AKR1C4: variants seen among roughly 807,000 people sequenced by gnomAD.
AKR1C4 encodes the protein 3-alpha-HSD1.
A neutral mutation model predicts 41.0 loss-of-function variants in AKR1C4; 44 were observed. The ratio of observed to expected loss-of-function variants is 1.07; its 90% CI spans 0.84 to 1.38. The LOEUF (loss-of-function observed/expected upper bound fraction) is 1.38. Among genes scored for constraint, AKR1C4 ranks in the 40% most tolerant of loss-of-function variants. AKR1C4 has a pLI of 0.00. For missense variants in AKR1C4, 438 were observed against 387.9 expected, an observed-to-expected ratio of 1.13 and a Z score of -1.09; for synonymous variants, 165 against 137.7, an observed-to-expected ratio of 1.20 and a Z score of -1.39.
At chr10:5,211,302 G>A (rs782018398) in intron 5 of AKR1C4, among the ~76,000 whole-genome samples, 1 of 152,182 alleles carries the variant, frequency 6.6e-6, no homozygotes, top group Non-Finnish European at 1.5e-5. Flanking sequence ...AATTTTTACT[G>A]CATCATCAGA....
At position 5,218,931 on chromosome 10, in the gene AKR1C4, A is replaced by C. The variant is rs1442118458; in HGVS notation, c.*171A>C. The C allele has an allele frequency of 9.6e-6, 5 of 519,138 alleles. No individual in the cohort carries two copies. The Admixed American group carries it at 1.4e-4, about 15-fold the overall frequency. 32.2% of individuals were successfully genotyped at this position (519,138 alleles called of 1,614,324 possible). A position where few individuals can be genotyped will look rare whatever the true frequency, so the allele number is the denominator to read the frequency against. On this transcript the variant is annotated 3_prime_UTR_variant, in exon 9 of 9. Coordinates refer to ENST00000263126, the MANE Select transcript of AKR1C4 (RefSeq NM_001818.5). ...CATGGTCCAGAAAGCAAACATAATA[A>C]ATTTTTATCTTGAAGTAATTGAATG...
Position 5,214,711 on chromosome 10 carries a change from A to C in AKR1C4, c.846+1552A>C, listed in dbSNP as rs563348314. Among the ~76,000 whole-genome samples, 129 of 152,312 alleles carry C rather than the reference A, an allele frequency of 8.5e-4. 1 individual carries two copies. The South Asian group carries it at 0.026, about 31-fold the overall frequency. On this transcript the variant is annotated intron_variant, in intron 7 of 8. Coordinates refer to ENST00000263126, the MANE Select transcript of AKR1C4 (RefSeq NM_001818.5). ...TTTTGAGAATTTTCTAATCTATGCA[A>C]ATATTCTAAGAATACAATGAATGCT... is the stretch of plus-strand genomic sequence containing the variant.
At position 5,214,637 on chromosome 10, in the gene AKR1C4, A is replaced by G. The variant is rs547160718; in HGVS notation, c.846+1478A>G. 3.3e-5 allele frequency among the ~76,000 whole-genome samples: 5 copies of G among 152,282 alleles called. No homozygotes were observed. The East Asian group carries it at 7.7e-4, about 23-fold the overall frequency. On this transcript the variant is annotated intron_variant, in intron 7 of 8. Transcript: ENST00000263126. ...TTAAGGCATTCGTGTATGTTTTCCT[A>G]GATTTATTCATAGAAAACTTATACT... is the stretch of plus-strand genomic sequence containing the variant.
At chr10:5,215,299 G>A (rs1264540014) in intron 7 of AKR1C4, among the ~76,000 whole-genome samples, 1 of 152,112 alleles carries the variant, frequency 6.6e-6, no homozygotes, top group Non-Finnish European at 1.5e-5. Context: ...GGGTCTGGTG[G>A]GAGGTGTTTG....
chr10:5,202,771 G>A (rs1832419913), intron 2 of AKR1C4, among the ~76,000 whole-genome samples: 1 of 151,872 alleles, frequency 6.6e-6, no homozygotes, highest in Non-Finnish European at 1.5e-5. Context: ...TCTTTGTGTG[G>A]TATATCATAT....
chr10:5,215,323 A>G (rs1398211591), intron 7 of AKR1C4, among the ~76,000 whole-genome samples: 1 of 152,028 alleles, frequency 6.6e-6, no homozygotes, highest in African/African-American at 2.4e-5. Flanking sequence ...CATGGGGGCA[A>G]ATATAGAAAT....
At chr10:5,215,149 G>C (rs1034573789) in intron 7 of AKR1C4, among the ~76,000 whole-genome samples, 10 of 152,128 alleles carry the variant, frequency 6.6e-5, no homozygotes, top group African/African-American at 2.4e-4. Context: ...GTACATGACT[G>C]GTTCATGTAC....
At chr10:5,214,676 G>A (rs1317931789) in intron 7 of AKR1C4, among the ~76,000 whole-genome samples, 5 of 149,160 alleles carry the variant, frequency 3.4e-5, no homozygotes, top group Admixed American at 2.7e-4. Context: ...AATAGTCTTT[G>A]GATAACTTTT....
chr10:5,210,675 T>G (rs2104997), intron 5 of AKR1C4, among the ~76,000 whole-genome samples: 146,976 of 151,388 alleles, frequency 0.97, 71,511 homozygotes, highest in East Asian at 1. Context: ...GCAATGGCGC[T>G]ATCTCAGCTC....
At chr10:5,201,625 T>C (rs1489163511) in intron 2 of AKR1C4, among the ~76,000 whole-genome samples, 3 of 152,236 alleles carry the variant, frequency 2.0e-5, no homozygotes, top group Admixed American at 6.5e-5. Context: ...CATTTATTTT[T>C]GCTTTTTGTG....
rs374502554 is a variant in AKR1C4, at chr10:5,206,317, G to A, written c.490G>A (p.Gly164Arg). ...CKDAGLAKSI[G>R]VSNFNCRQLE... ...GGATGCAGGATTGGCCAAGTCCATCGGGGTGTCAAACTTCAACTGCAGGCA... is the reference window on the plus strand; with the variant it reads ...GGATGCAGGATTGGCCAAGTCCATCAGGGTGTCAAACTTCAACTGCAGGCA... The change falls in exon 5 of 9, where the codon GGG becomes AGG. Residue 164 changes from glycine (G) to arginine (R), a missense_variant. By Grantham distance (125) the Gly-to-Arg change is moderately radical. Transcript: ENST00000263126. The A allele has an allele frequency of 9.7e-5, 156 of 1,613,904 alleles. No individual in the cohort carries two copies. Among genetic ancestry groups the A allele is most frequent in the Admixed American group, 1.3e-4 (8 of 59,976 alleles).
intron 5 of AKR1C4, among the ~76,000 whole-genome samples, chr10:5,208,572 A>G (rs542738860): frequency 2.6e-5 from 4 of 151,704 alleles, no homozygotes; most frequent in African/African-American, 9.8e-5. Context: ...TCTTCAAAAT[A>G]TATTCCAATG....
In AKR1C4 at chr10:5,213,028, C is replaced by T; in HGVS notation, c.715C>T (p.Pro239Ser). The change falls in exon 7 of 9, where the codon CCA becomes TCA. Residue 239 changes from proline to serine, a missense_variant. Pro to Ser is a moderately conservative substitution (Grantham distance 74, BLOSUM62 -1). Transcript: ENST00000263126. ...AAACTCCCCAGTTCTTTTGGAGGAC[C>T]CAGTTCTTTGTGCCTTAGCAAAGAA... Reference protein sequence around the residue: ...DPNSPVLLEDPVLCALAKKHK... With the variant: ...DPNSPVLLEDSVLCALAKKHK... 1.2e-6 allele frequency: 2 copies of T among 1,614,070 alleles called. No homozygotes were observed. The highest frequency in any genetic ancestry group is 1.7e-6 in the Non-Finnish European group (2 of 1,179,998).
chr10:5,199,694 G>A (rs1312999349), intron 1 of AKR1C4, among the ~76,000 whole-genome samples: 2 of 152,130 alleles, frequency 1.3e-5, no homozygotes, highest in Non-Finnish European at 2.9e-5. Flanking sequence ...CTGCTGAGCA[G>A]CCGGACTCTA....
intron 3 of AKR1C4, 184 bp downstream of exon 3, chr10:5,204,677 GA>G: frequency 1.3e-6 from 1 of 746,368 alleles, no homozygotes; most frequent in African/African-American, 1.7e-5. Flanking sequence ...GATGACAAGA[GA>G]AGACAGTACA....
In AKR1C4 at chr10:5,204,463, C is replaced by G. The variant is rs111844367; in HGVS notation, c.339C>G (p.Leu113=). The part of the protein sequence containing the change: ...LKKLQLDYVD[L]YLLHFPMALK... ...AACTTCAACTGGACTATGTTGACCT[C>G]TATCTTCTTCATTTCCCAATGGCTC... Residue 113 remains leucine (L), a synonymous_variant, in exon 3 of 9, where the codon CTC becomes CTG. Coordinates refer to ENST00000263126, the MANE Select transcript of AKR1C4 (RefSeq NM_001818.5). The G allele has an allele frequency of 6.2e-7, 1 of 1,613,416 alleles. No individual in the cohort carries two copies. The highest frequency in any genetic ancestry group is 8.5e-7 in the Non-Finnish European group (1 of 1,179,506).
At chr10:5,204,681 A>G in intron 3 of AKR1C4, 188 bp downstream of exon 3, 1 of 742,362 alleles carries the variant, frequency 1.3e-6, no homozygotes, top group Non-Finnish European at 2.5e-6. Flanking sequence ...ACAAGAGAAG[A>G]CAGTACATCA....
At chr10:5,214,280 C>T (rs1211868793) in intron 7 of AKR1C4, among the ~76,000 whole-genome samples, 1 of 152,152 alleles carries the variant, frequency 6.6e-6, no homozygotes, top group African/African-American at 2.4e-5. Context: ...GACATTTCCC[C>T]TCTTTCAGAG....
chr10:5,211,244 G>C (rs1489319635), intron 5 of AKR1C4, among the ~76,000 whole-genome samples: 1 of 152,216 alleles, frequency 6.6e-6, no homozygotes, highest in Non-Finnish European at 1.5e-5. Context: ...TGTTACTTAT[G>C]CAAATTTCTG....
Sources: gnomAD v4.1 joint callset for allele counts (sites outside exome capture counted in the v4.1 genomes callset) on GRCh38, gnomAD v4.1.1 for gene constraint, MANE v1.5 for transcripts, NCBI Gene and HGNC (gene_info 2026-07-23, HGNC 2026-07-21) for gene names.